SPATA17: variants seen among roughly 807,000 people sequenced by gnomAD.
The protein encoded by SPATA17 is spermatogenesis associated 17.
A neutral mutation model predicts 62.2 loss-of-function variants in SPATA17; 53 were observed. The ratio of observed to expected loss-of-function variants is 0.85; its 90% CI spans 0.68 to 1.07. The LOEUF (loss-of-function observed/expected upper bound fraction) is 1.07, where lower values mean the gene tolerates loss of function less well. SPATA17 is among the 50% of genes least tolerant of loss of function. The pLI is 0.00. For missense variants in SPATA17, 466 were observed against 425.5 expected, an observed-to-expected ratio of 1.10 and a Z score of -0.84; for synonymous variants, 146 against 146.8, an observed-to-expected ratio of 0.99 and a Z score of 0.04.
At chr1:217,761,358 T>A (rs72728845) in intron 6 of SPATA17, among the ~76,000 whole-genome samples, 4,351 of 152,272 alleles carry the variant, frequency 0.029, 98 homozygotes, top group Middle Eastern at 0.054. Flanking sequence ...ACTCTTGTTG[T>A]TTTCTGAGAA....
chr1:217,749,723 T>A (rs1291844218), intron 6 of SPATA17, among the ~76,000 whole-genome samples: 1 of 151,876 alleles, frequency 6.6e-6, no homozygotes, highest in Non-Finnish European at 1.5e-5. Flanking sequence ...CAGATAAATC[T>A]TTCTAAAAGA....
chr1:217,862,983 T>C (rs1675927956), intron 10 of SPATA17, 127 bp downstream of exon 10: 1 of 493,268 alleles, frequency 2.0e-6, no homozygotes. Flanking sequence ...GTAATAAGAC[T>C]CCATAAATTT....
chr1:217,720,285 C>T (rs1417472911), intron 5 of SPATA17, among the ~76,000 whole-genome samples: 3 of 152,134 alleles, frequency 2.0e-5, no homozygotes, highest in African/African-American at 7.2e-5. Context: ...GTTGATTCTG[C>T]AATGAGGTGG....
chr1:217,634,461 G>A (rs934955790), intron 1 of SPATA17, among the ~76,000 whole-genome samples: 4 of 152,134 alleles, frequency 2.6e-5, no homozygotes, highest in African/African-American at 9.7e-5. Flanking sequence ...CAAGGTCAGA[G>A]CCAGTTTATC....
In SPATA17 at chr1:217,862,873, A is replaced by G; in HGVS notation, c.*2+17A>G. The G allele has an allele frequency of 6.6e-7, 1 of 1,523,604 alleles. No homozygotes were observed. The highest frequency in any genetic ancestry group is 2.3e-5 in the East Asian group (1 of 44,056). The allele number at this position is 1,523,604 out of a possible 1,614,324, so 94.4% of individuals were successfully genotyped here. On this transcript the variant is annotated intron_variant, in intron 10 of 10. Transcript: ENST00000366933. ...TGTATAAAGGTATGACTTTTTGCTAAGAAGTAATTCAAAAAGTATATTAAA... is the reference window on the plus strand; with the variant it reads ...TGTATAAAGGTATGACTTTTTGCTAGGAAGTAATTCAAAAAGTATATTAAA...
At chr1:217,641,688 A>G (rs931489645) in intron 1 of SPATA17, among the ~76,000 whole-genome samples, 3 of 152,174 alleles carry the variant, frequency 2.0e-5, no homozygotes, top group Non-Finnish European at 4.4e-5. Context: ...CAAGTATAAT[A>G]CAAGGGTATT....
intron 9 of SPATA17, chr1:217,850,478 C>CA (rs34846382): frequency 1 from 1,469,881 of 1,469,890 alleles, 734,936 homozygotes; most frequent in Middle Eastern, 1. Flanking sequence ...AGAGTACAGC[C>CA]TCTTCTAGCT....
At chr1:217,714,648 T>C (rs1007521804) in intron 5 of SPATA17, among the ~76,000 whole-genome samples, 17 of 151,734 alleles carry the variant, frequency 1.1e-4, no homozygotes, top group East Asian at 2.0e-4. Flanking sequence ...CACGCCCGGC[T>C]AATTTTTTGT....
chr1:217,690,301 C>A (rs568048326), intron 5 of SPATA17, among the ~76,000 whole-genome samples: 4 of 151,986 alleles, frequency 2.6e-5, no homozygotes, highest in Non-Finnish European at 4.4e-5. Flanking sequence ...TATTTTCCAC[C>A]AGCTTATATT....
chr1:217,722,678 C>T (rs1672162325), intron 5 of SPATA17, among the ~76,000 whole-genome samples: 1 of 152,138 alleles, frequency 6.6e-6, no homozygotes, highest in African/African-American at 2.4e-5. Flanking sequence ...CTTAAATTGT[C>T]TAAGGACTCT....
chr1:217,774,272 C>T, intron 6 of SPATA17, 62 bp from the exon 7 acceptor site: 1 of 1,425,446 alleles, frequency 7.0e-7, no homozygotes, highest in Middle Eastern at 1.8e-4. Flanking sequence ...CATGGTACAA[C>T]TCTTTCCTTT....
At chr1:217,836,165 T>G (rs1675255264) in intron 9 of SPATA17, among the ~76,000 whole-genome samples, 1 of 152,120 alleles carries the variant, frequency 6.6e-6, no homozygotes, top group South Asian at 2.1e-4. Flanking sequence ...GCTGTGGTCT[T>G]TGTGCAGTGA....
At chr1:217,851,363 C>T (rs1170321586) in intron 9 of SPATA17, among the ~76,000 whole-genome samples, 1 of 151,950 alleles carries the variant, frequency 6.6e-6, no homozygotes, top group Non-Finnish European at 1.5e-5. Flanking sequence ...TCCAGGTTCA[C>T]ATGTTCCCAG....
chr1:217,685,970 T>C (rs1013941334), intron 5 of SPATA17, among the ~76,000 whole-genome samples: 2 of 152,182 alleles, frequency 1.3e-5, no homozygotes, highest in Non-Finnish European at 1.5e-5. Flanking sequence ...TCTCTTACTG[T>C]GCCTAATTTA....
rs895687454 is a variant in SPATA17, at chr1:217,867,199, T to A, written c.*180T>A. Reference sequence around the variant, plus strand: ...ATGTATTTGAAATCTCTTAGACATATCTTTTCAAACAAATACTTAAACTTG... The same window carrying A: ...ATGTATTTGAAATCTCTTAGACATAACTTTTCAAACAAATACTTAAACTTG... On this transcript the variant is annotated 3_prime_UTR_variant, in exon 11 of 11. Transcript: ENST00000366933. 3 of 152,202 alleles carry A rather than the reference T, an allele frequency of 2.0e-5. No homozygotes were observed. The highest frequency in any genetic ancestry group is 2.4e-5 in the African/African-American group (1 of 41,454). 9.4% of individuals were successfully genotyped at this position (152,202 alleles called of 1,614,324 possible).
Position 217,654,695 on chromosome 1 carries a change from G to A in SPATA17, c.240+3517G>A, listed in dbSNP as rs554315887. On this transcript the variant is annotated intron_variant, in intron 3 of 10. Transcript: ENST00000366933. Reference sequence around the variant, plus strand: ...ATGCCCCCTTATCTCTCAATATATTGCATGCATATTGTTTACATAATCTTT... The same window carrying A: ...ATGCCCCCTTATCTCTCAATATATTACATGCATATTGTTTACATAATCTTT... Among the ~76,000 whole-genome samples, 33 of 150,048 alleles carry A rather than the reference G, an allele frequency of 2.2e-4. No individual in the cohort carries two copies. In the South Asian group the frequency reaches 7.0e-3, roughly 32 times the overall value.
At chr1:217,658,892 C>G (rs1670502913) in intron 3 of SPATA17, among the ~76,000 whole-genome samples, 1 of 152,132 alleles carries the variant, frequency 6.6e-6, no homozygotes, top group South Asian at 2.1e-4. Flanking sequence ...AATGCAACTG[C>G]TTCATTTCTT....
chr1:217,835,919 G>C (rs1433160953), intron 9 of SPATA17, among the ~76,000 whole-genome samples: 1 of 151,972 alleles, frequency 6.6e-6, no homozygotes. Flanking sequence ...ACTGACCAAT[G>C]GTTCCAGCCT....
chr1:217,859,564 T>C (rs2103015585), intron 9 of SPATA17, among the ~76,000 whole-genome samples: 1 of 152,018 alleles, frequency 6.6e-6, no homozygotes, highest in South Asian at 2.1e-4. Flanking sequence ...TACACCACAA[T>C]ACCCAGCCAA....
Sources: allele counts gnomAD v4.1 joint callset (sites outside exome capture counted in the v4.1 genomes callset), GRCh38; gene constraint gnomAD v4.1.1; transcripts MANE v1.5; gene names NCBI Gene and HGNC (gene_info 2026-07-23, HGNC 2026-07-21).